The following SLC2A13 variants were observed in gnomAD, a reference collection of about 807,000 sequenced individuals.
SLC2A13 encodes the protein solute carrier family 2 member 13.
A neutral mutation model predicts 64.4 loss-of-function variants in SLC2A13; 32 were observed. That is an observed-to-expected ratio of 0.50 (90% CI 0.37 to 0.67). The LOEUF (loss-of-function observed/expected upper bound fraction) is 0.67, where lower values mean the gene tolerates loss of function less well. SLC2A13 is among the 30% of genes least tolerant of loss of function. SLC2A13 has a pLI of 0.00. For missense variants in SLC2A13, 743 were observed against 829.2 expected, an observed-to-expected ratio of 0.90 and a Z score of 1.28; for synonymous variants, 338 against 327.1, an observed-to-expected ratio of 1.03 and a Z score of -0.36.
At chr12:39,847,815 A>C (rs1170262648) in intron 6 of SLC2A13, among the ~76,000 whole-genome samples, 2 of 152,144 alleles carry the variant, frequency 1.3e-5, no homozygotes, top group Admixed American at 6.5e-5. Flanking sequence ...ATGCTTAAAA[A>C]ATATTTTGGC....
At chr12:39,930,261 A>G (rs1348315764) in intron 4 of SLC2A13, among the ~76,000 whole-genome samples, 1 of 152,150 alleles carries the variant, frequency 6.6e-6, no homozygotes, top group Admixed American at 6.5e-5. Context: ...TGTAGGCAGC[A>G]AGGTGGAGGA....
chr12:39,978,419 A>G (rs1430131933), intron 3 of SLC2A13, among the ~76,000 whole-genome samples: 1 of 152,216 alleles, frequency 6.6e-6, no homozygotes, highest in Non-Finnish European at 1.5e-5. Context: ...TACCGAGTTC[A>G]TCACACTGGG....
At position 39,755,888 on chromosome 12, in the gene SLC2A13, A is replaced by G. The variant is rs150754233; in HGVS notation, c.*4138T>C. 1.3e-5 allele frequency: 2 copies of G among 151,858 alleles called. No homozygotes were observed. The highest frequency in any genetic ancestry group is 4.8e-5 in the African/African-American group (2 of 41,374). The allele number at this position is 151,858 out of a possible 1,614,324, so 9.4% of individuals were successfully genotyped here. A position where few individuals can be genotyped will look rare whatever the true frequency, so the allele number is the denominator to read the frequency against. ...CTTTCATGAACTTCTGAACATCAACACTCTTATAAAACACCTCTTTGATGA... is the reference window on the plus strand; with the variant it reads ...CTTTCATGAACTTCTGAACATCAACGCTCTTATAAAACACCTCTTTGATGA... On this transcript the variant is annotated 3_prime_UTR_variant, in exon 10 of 10. Transcript: ENST00000280871.
intron 4 of SLC2A13, among the ~76,000 whole-genome samples, chr12:39,887,891 A>G (rs12312400): frequency 0.72 from 109,506 of 152,058 alleles, 39,577 homozygotes; most frequent in South Asian, 0.77. Flanking sequence ...TGGGAGAGAG[A>G]TGGTTTGAAC....
intron 3 of SLC2A13, among the ~76,000 whole-genome samples, chr12:39,999,544 G>A (rs1052798233): frequency 6.6e-6 from 1 of 152,014 alleles, no homozygotes; most frequent in Non-Finnish European, 1.5e-5. Flanking sequence ...AATTAGGGTG[G>A]GAAAAAAACC....
At chr12:39,986,355 C>T (rs936301477) in intron 3 of SLC2A13, among the ~76,000 whole-genome samples, 4 of 152,092 alleles carry the variant, frequency 2.6e-5, no homozygotes, top group African/African-American at 7.2e-5. Context: ...GTTTACTACA[C>T]GTTCACCCAC....
chr12:39,899,904 T>C (rs1945038162), intron 4 of SLC2A13, among the ~76,000 whole-genome samples: 1 of 152,110 alleles, frequency 6.6e-6, no homozygotes, highest in Non-Finnish European at 1.5e-5. Flanking sequence ...CTTCCAACTA[T>C]GTGGTCAATT....
chr12:39,841,769 C>A (rs1413926024), intron 6 of SLC2A13, among the ~76,000 whole-genome samples: 1 of 151,784 alleles, frequency 6.6e-6, no homozygotes, highest in East Asian at 1.9e-4. Context: ...TCTCTGGTGA[C>A]AATATACATT....
At position 40,105,127 on chromosome 12, in the gene SLC2A13, G is replaced by C; in HGVS notation, c.556+126C>G. On this transcript the variant is annotated intron_variant, in intron 1 of 9. Coordinates refer to ENST00000280871, the MANE Select transcript of SLC2A13 (RefSeq NM_052885.4). This position sits in a 1 kb window ranked among gnomAD's most constrained non-coding sequence, Gnocchi z 4.2. ...AAACAGATGGGCTCTGGAGGCCAGA[G>C]AAGTGGAGGATTCTCTGACCCTGGG... 2.1e-6 allele frequency: 3 copies of C among 1,398,814 alleles called. No individual in the cohort carries two copies. Among genetic ancestry groups the C allele is most frequent in the Non-Finnish European group, 2.8e-6 (3 of 1,082,378 alleles). The allele number at this position is 1,398,814 out of a possible 1,614,324, so 86.7% of individuals were successfully genotyped here.
intron 7 of SLC2A13, 102 bp from the exon 8 acceptor site, chr12:39,764,960 TAA>T: frequency 1.5e-6 from 2 of 1,304,498 alleles, no homozygotes; most frequent in Non-Finnish European, 2.1e-6. Context: ...CTTAATGTCT[TAA>T]GAGTCCAAAA....
Position 39,951,352 on chromosome 12 carries a change from G to T in SLC2A13, c.939C>A (p.Ile313=), listed in dbSNP as rs200179863. Residue 313 remains isoleucine (I), a synonymous_variant, in exon 4 of 10, where the codon ATC becomes ATA. Transcript: ENST00000280871. The part of the protein sequence containing the change: ...EKEVGSAGPV[I]CRMLSYPPTR... The stretch of plus-strand genomic sequence containing the variant: ...TTGGGGGATAACTCAGCATTCTGCA[G>T]ATCACAGGTCCAGCTTTTTTAAGAA... 1 of 1,583,140 alleles carries T rather than the reference G, an allele frequency of 6.3e-7. No homozygotes were observed. The highest frequency in any genetic ancestry group is 8.6e-7 in the Non-Finnish European group (1 of 1,167,880).
intron 4 of SLC2A13, among the ~76,000 whole-genome samples, chr12:39,927,739 C>G (rs1289681200): frequency 6.6e-6 from 1 of 152,050 alleles, no homozygotes; most frequent in Non-Finnish European, 1.5e-5. Context: ...GAGGCATTTA[C>G]AAAAGCTACA....
chr12:39,986,368 C>T (rs1947031608), intron 3 of SLC2A13, among the ~76,000 whole-genome samples: 1 of 152,086 alleles, frequency 6.6e-6, no homozygotes, highest in Admixed American at 6.6e-5. Flanking sequence ...TCACCCACCT[C>T]GTCGCCACTG....
intron 3 of SLC2A13, among the ~76,000 whole-genome samples, chr12:40,013,138 A>C (rs1947559533): frequency 6.6e-6 from 1 of 152,140 alleles, no homozygotes; most frequent in African/African-American, 2.4e-5. Flanking sequence ...AAGTGCAAAA[A>C]GGGTATAGTC....
chr12:40,069,924 A>G (rs1428772137), intron 1 of SLC2A13, among the ~76,000 whole-genome samples: 1 of 152,116 alleles, frequency 6.6e-6, no homozygotes, highest in East Asian at 1.9e-4. Context: ...GCTATTTGTC[A>G]TTGTTACAAA....
At chr12:39,784,604 C>A (rs1324516625) in intron 7 of SLC2A13, among the ~76,000 whole-genome samples, 2 of 152,152 alleles carry the variant, frequency 1.3e-5, no homozygotes, top group Non-Finnish European at 2.9e-5. Flanking sequence ...AAATGTTAGA[C>A]CTAAAACCAT....
At chr12:40,052,602 TAAGCTAC>T (rs1418343007) in intron 1 of SLC2A13, among the ~76,000 whole-genome samples, 1 of 152,164 alleles carries the variant, frequency 6.6e-6, no homozygotes, top group Non-Finnish European at 1.5e-5. Context: ...TGCTGATTTG[TAAGCTAC>T]ATGCTATTAT....
At chr12:39,808,361 T>G (rs1269341681) in intron 7 of SLC2A13, among the ~76,000 whole-genome samples, 1 of 152,142 alleles carries the variant, frequency 6.6e-6, no homozygotes, top group African/African-American at 2.4e-5. Flanking sequence ...TGAAGTAACA[T>G]CTACGTAATT....
intron 4 of SLC2A13, among the ~76,000 whole-genome samples, chr12:39,903,310 A>G (rs866206671): frequency 4.6e-5 from 7 of 152,156 alleles, no homozygotes; most frequent in South Asian, 2.1e-4. Context: ...TATATCTGAC[A>G]GATTAGCTAT....
Sources: allele counts gnomAD v4.1 joint callset (sites outside exome capture counted in the v4.1 genomes callset), GRCh38; gene constraint gnomAD v4.1.1; non-coding constraint Gnocchi (gnomAD v3.1); transcripts MANE v1.5; gene names NCBI Gene and HGNC (gene_info 2026-07-23, HGNC 2026-07-21).